Variants in ADAMTS3 observed in about 807,000 individuals in gnomAD.
ADAMTS3 encodes the protein A disintegrin and metalloproteinase with thrombospondin motifs 3.
In ADAMTS3, 73 loss-of-function variants were observed where a neutral mutation model predicts 129.0. The observed-to-expected ratio is 0.57, with a 90% CI of 0.47 to 0.69. The LOEUF is 0.69. ADAMTS3 is among the 30% of genes least tolerant of loss of function. ADAMTS3 has a pLI of 0.00. For missense variants in ADAMTS3, 1,457 were observed against 1,514.5 expected, an observed-to-expected ratio of 0.96 and a Z score of 0.63; for synonymous variants, 477 against 510.8, an observed-to-expected ratio of 0.93 and a Z score of 0.89.
chr4:72,499,271 T>A (rs543828769), intron 3 of ADAMTS3, among the ~76,000 whole-genome samples: 1 of 152,298 alleles, frequency 6.6e-6, no homozygotes, highest in African/African-American at 2.4e-5. Context: ...AAAAATCTAT[T>A]CACAAAAGTA....
Position 72,535,819 on chromosome 4 carries a change from T to A in ADAMTS3, c.504+12659A>T, listed in dbSNP as rs150598064. Reference sequence around the variant, plus strand: ...AAAAAAAGACAGCAAAAGAATGAGGTTGGGAAGATTCTGAACAACAGTATA... The same window carrying A: ...AAAAAAAGACAGCAAAAGAATGAGGATGGGAAGATTCTGAACAACAGTATA... On this transcript the variant is annotated intron_variant, in intron 3 of 21. Coordinates refer to ENST00000286657, the MANE Select transcript of ADAMTS3 (RefSeq NM_014243.3). 2.9e-3 allele frequency among the ~76,000 whole-genome samples: 443 copies of A among 151,944 alleles called. 3 individuals are homozygous for A. Among genetic ancestry groups the A allele is most frequent in the African/African-American group, 9.9e-3 (412 of 41,422 alleles).
chr4:72,388,063 G>A (rs1357957763), intron 4 of ADAMTS3, among the ~76,000 whole-genome samples: 4 of 152,148 alleles, frequency 2.6e-5, no homozygotes, highest in Non-Finnish European at 5.9e-5. Flanking sequence ...TTGTAAAGAG[G>A]AGAATATTAA....
chr4:72,323,109 A>C lies in ADAMTS3; in HGVS notation c.862-12T>G. On this transcript the variant is annotated splice_polypyrimidine_tract_variant and intron_variant, in intron 5 of 21. Transcript: ENST00000286657. ...TAAATTTCATTCACCTAGCAACAAA[A>C]AAAGATAATTGCTAAAAGAAAGGAA... is the stretch of plus-strand genomic sequence containing the variant. 1 of 1,602,166 alleles carries C rather than the reference A, an allele frequency of 6.2e-7. No homozygotes were observed. Among genetic ancestry groups the C allele is most frequent in the Non-Finnish European group, 8.6e-7 (1 of 1,169,566 alleles).
At chr4:72,403,838 T>C (rs1721986341) in intron 4 of ADAMTS3, among the ~76,000 whole-genome samples, 1 of 151,946 alleles carries the variant, frequency 6.6e-6, no homozygotes, top group Non-Finnish European at 1.5e-5. Flanking sequence ...ACCACATAAA[T>C]ATTAGAACTT....
chr4:72,528,427 T>C (rs1238423253), intron 3 of ADAMTS3, among the ~76,000 whole-genome samples: 1 of 151,818 alleles, frequency 6.6e-6, no homozygotes, highest in Non-Finnish European at 1.5e-5. Context: ...TTGATTACTC[T>C]GATTTTATCA....
chr4:72,475,881 C>A (rs1237501489), intron 3 of ADAMTS3, among the ~76,000 whole-genome samples: 2 of 151,914 alleles, frequency 1.3e-5, no homozygotes, highest in Admixed American at 1.3e-4. Flanking sequence ...TTAAATAATC[C>A]ATGAGTCAAA....
intron 3 of ADAMTS3, among the ~76,000 whole-genome samples, chr4:72,449,065 T>C (rs998090103): frequency 7.3e-5 from 11 of 151,598 alleles, no homozygotes; most frequent in African/African-American, 2.7e-4. Context: ...AATCATACTC[T>C]CCTTATTTTC....
intron 3 of ADAMTS3, among the ~76,000 whole-genome samples, chr4:72,518,788 T>A (rs28854926): frequency 0.31 from 44,894 of 147,036 alleles, 6,766 homozygotes; most frequent in Middle Eastern, 0.34. Flanking sequence ...TGACTCTTTA[T>A]CCAATTTGCC....
At chr4:72,386,878 C>T (rs1229622207) in intron 4 of ADAMTS3, among the ~76,000 whole-genome samples, 1 of 152,110 alleles carries the variant, frequency 6.6e-6, no homozygotes, top group Non-Finnish European at 1.5e-5. Flanking sequence ...CCATGGTAAA[C>T]TAGCATTTTT....
At position 72,323,223 on chromosome 4, in the gene ADAMTS3, G is replaced by C. The variant is rs112525154; in HGVS notation, c.862-126C>G. ...TGCTGTTTTTAAATTGAGTTTAATA[G>C]CTGAACTCTGAAAGGTAGTCATTTA... On this transcript the variant is annotated intron_variant, in intron 5 of 21. Transcript: ENST00000286657. The C allele has an allele frequency of 6.5e-4, 460 of 709,162 alleles. 1 individual carries two copies. The African/African-American group carries it at 6.7e-3, about 10-fold the overall frequency. 43.9% of individuals were successfully genotyped at this position (709,162 alleles called of 1,614,324 possible). A position where few individuals can be genotyped will look rare whatever the true frequency, so the allele number is the denominator to read the frequency against.
intron 3 of ADAMTS3, among the ~76,000 whole-genome samples, chr4:72,430,405 G>A (rs910841417): frequency 2.0e-5 from 3 of 151,940 alleles, no homozygotes; most frequent in African/African-American, 7.2e-5. Flanking sequence ...GGCTGTGTAG[G>A]TGCTCTCATG....
intron 3 of ADAMTS3, among the ~76,000 whole-genome samples, chr4:72,479,699 C>T (rs911749657): frequency 1.3e-5 from 2 of 152,150 alleles, no homozygotes; most frequent in African/African-American, 4.8e-5. Flanking sequence ...CAAATGGGAT[C>T]TCATTAAACT....
intron 2 of ADAMTS3, among the ~76,000 whole-genome samples, chr4:72,554,869 C>T (rs769144095): frequency 6.6e-6 from 1 of 151,830 alleles, no homozygotes; most frequent in Non-Finnish European, 1.5e-5. Context: ...CTACCACTTA[C>T]TACCCTAGTG....
chr4:72,390,475 C>T (rs1721562615), intron 4 of ADAMTS3, among the ~76,000 whole-genome samples: 1 of 152,076 alleles, frequency 6.6e-6, no homozygotes, highest in South Asian at 2.1e-4. Context: ...TAGATGGAGC[C>T]TGAATTCACT....
At chr4:72,392,915 A>ATTTTTTTTTTTTTTTTTTTTT (rs36046621) in intron 4 of ADAMTS3, among the ~76,000 whole-genome samples, 1 of 139,852 alleles carries the variant, frequency 7.2e-6, no homozygotes. Flanking sequence ...TACCCATCGG[A>ATTTTTTTTTTTTTTTTTTTTT]TTTTTTTTTT....
chr4:72,289,320 A>G (rs568495872), intron 20 of ADAMTS3, among the ~76,000 whole-genome samples: 25 of 152,322 alleles, frequency 1.6e-4, no homozygotes, highest in Admixed American at 1.6e-3. Context: ...CAGGGACCCA[A>G]TCATAGTATT....
Position 72,299,053 on chromosome 4 carries a change from CTGTGTGTGTGTGTGTGTG to C in ADAMTS3, c.2425-629_2425-612del, listed in dbSNP as rs60439058. Reference sequence around the variant, plus strand: ...GATAGTCCCTCAAGATATTTGCATTCTGTGTGTGTGTGTGTGTGTGTGTGTGTGTGTGTGTGTGTGTGT... The same window carrying C: ...GATAGTCCCTCAAGATATTTGCATTCTGTGTGTGTGTGTGTGTGTGTGTGT... On this transcript the variant is annotated intron_variant, in intron 17 of 21. Coordinates refer to ENST00000286657, the MANE Select transcript of ADAMTS3 (RefSeq NM_014243.3). 4.7e-3 allele frequency among the ~76,000 whole-genome samples: 645 copies of C among 138,148 alleles called. 6 individuals are homozygous for C. The highest frequency in any genetic ancestry group is 0.016 in the African/African-American group (609 of 37,494). The allele number at this position is 138,148 out of a possible 152,430, so 90.6% of individuals were successfully genotyped here. A position where few individuals can be genotyped will look rare whatever the true frequency, so the allele number is the denominator to read the frequency against.
At chr4:72,482,751 A>G (rs1719473313) in intron 3 of ADAMTS3, among the ~76,000 whole-genome samples, 2 of 152,190 alleles carry the variant, frequency 1.3e-5, no homozygotes, top group South Asian at 2.1e-4. Context: ...AATGTAGATC[A>G]TGATTTAGTA....
intron 4 of ADAMTS3, among the ~76,000 whole-genome samples, chr4:72,386,795 T>A (rs1721459914): frequency 6.6e-6 from 1 of 152,206 alleles, no homozygotes; most frequent in Non-Finnish European, 1.5e-5. Flanking sequence ...CCCACTGAAC[T>A]ATTCCATCAA....
Sources: allele counts gnomAD v4.1 joint callset (sites outside exome capture counted in the v4.1 genomes callset), GRCh38; gene constraint gnomAD v4.1.1; transcripts MANE v1.5; gene names NCBI Gene and HGNC (gene_info 2026-07-23, HGNC 2026-07-21).